The following CDH8 variants were observed in gnomAD, a reference collection of about 807,000 sequenced individuals.
The protein encoded by CDH8 is cadherin-8.
A neutral mutation model predicts 68.1 loss-of-function variants in CDH8; 17 were observed. The ratio of observed to expected loss-of-function variants is 0.25; its 90% CI spans 0.17 to 0.37. CDH8 has a LOEUF of 0.37. CDH8 is among the 10% of genes least tolerant of loss of function. CDH8 has a pLI of 1.00. For synonymous variants in CDH8, 372 were observed against 365.1 expected, an observed-to-expected ratio of 1.02 and a Z score of -0.21; for missense variants, 763 against 999.3, an observed-to-expected ratio of 0.76 and a Z score of 3.19.
chr16:61,903,537 TC>T (rs1432851450), intron 2 of CDH8, among the ~76,000 whole-genome samples: 1 of 152,010 alleles, frequency 6.6e-6, no homozygotes, highest in African/African-American at 2.4e-5. Flanking sequence ...GGTCTTGATC[TC>T]CTGACCTTGT....
intron 10 of CDH8, among the ~76,000 whole-genome samples, chr16:61,694,581 T>A (rs1964290966): frequency 6.6e-6 from 1 of 152,076 alleles, no homozygotes. Context: ...GGTTTGGTCA[T>A]ATGGGGTGAT....
intron 2 of CDH8, among the ~76,000 whole-genome samples, chr16:61,982,386 A>AT (rs1376317245): frequency 1.3e-5 from 2 of 151,746 alleles, no homozygotes; most frequent in South Asian, 4.2e-4. Context: ...CGCCCGGCTA[A>AT]TTTTTTGTAT....
chr16:61,760,603 G>A (rs548972040), intron 8 of CDH8, among the ~76,000 whole-genome samples: 47 of 152,130 alleles, frequency 3.1e-4, no homozygotes, highest in East Asian at 3.9e-4. Context: ...ATGAGCCACC[G>A]CATCTGGCAA....
chr16:61,781,404 G>A lies in CDH8; in HGVS notation c.1414+7942C>T, dbSNP rs80227320. Among the ~76,000 whole-genome samples the A allele has an allele frequency of 1.9e-3, 288 of 152,066 alleles. 6 individuals are homozygous for A. In the East Asian group the frequency reaches 0.021, roughly 11 times the overall value. On this transcript the variant is annotated intron_variant, in intron 8 of 11. Transcript: ENST00000577390. ...GGTGAGGAGTTAAAGACTAGCCTGGGCAACATGGTGAGACCCTGTTTCTAA... is the reference window on the plus strand; with the variant it reads ...GGTGAGGAGTTAAAGACTAGCCTGGACAACATGGTGAGACCCTGTTTCTAA...
At chr16:61,961,365 T>A (rs1199077899) in intron 2 of CDH8, among the ~76,000 whole-genome samples, 2 of 151,916 alleles carry the variant, frequency 1.3e-5, no homozygotes, top group Non-Finnish European at 2.9e-5. Flanking sequence ...ACTGAACATC[T>A]CCAGCAGCAG....
intron 6 of CDH8, among the ~76,000 whole-genome samples, chr16:61,819,537 C>T (rs1962162775): frequency 6.6e-6 from 1 of 152,000 alleles, no homozygotes; most frequent in Non-Finnish European, 1.5e-5. Context: ...TAATGCTAAA[C>T]TCAACCAGGA....
chr16:61,662,686 C>T (rs559588447), intron 10 of CDH8, among the ~76,000 whole-genome samples: 1 of 151,682 alleles, frequency 6.6e-6, no homozygotes, highest in African/African-American at 2.4e-5. Flanking sequence ...TCAACTATAT[C>T]TATATATAGT....
chr16:61,672,908 C>T (rs1963826580), intron 10 of CDH8, among the ~76,000 whole-genome samples: 1 of 152,000 alleles, frequency 6.6e-6, no homozygotes, highest in African/African-American at 2.4e-5. Flanking sequence ...TCATTCAATG[C>T]TTTAGGTAAT....
intron 8 of CDH8, among the ~76,000 whole-genome samples, chr16:61,784,120 C>A (rs1339431737): frequency 1.3e-4 from 19 of 151,020 alleles, no homozygotes; most frequent in Non-Finnish European, 1.2e-4. Flanking sequence ...CTAAATTCTC[C>A]AATTAAAAGA....
chr16:61,902,490 T>C (rs1233204548), intron 2 of CDH8, among the ~76,000 whole-genome samples: 1 of 151,852 alleles, frequency 6.6e-6, no homozygotes, highest in Non-Finnish European at 1.5e-5. Flanking sequence ...CCCATTGCGA[T>C]GTACTACTTC....
chr16:61,817,398 A>G, intron 7 of CDH8, 81 bp downstream of exon 7: 1 of 1,402,576 alleles, frequency 7.1e-7, no homozygotes, highest in African/African-American at 1.4e-5. Context: ...GGAGAGCCCC[A>G]CAGAAGGTAC....
chr16:61,845,326 C>A (rs1210598850), intron 4 of CDH8, among the ~76,000 whole-genome samples: 1 of 152,002 alleles, frequency 6.6e-6, no homozygotes, highest in Non-Finnish European at 1.5e-5. Context: ...ATCTCAATTT[C>A]TGTCTTTAGA....
intron 6 of CDH8, among the ~76,000 whole-genome samples, chr16:61,819,570 C>T (rs181953114): frequency 7.2e-5 from 11 of 152,090 alleles, no homozygotes; most frequent in Admixed American, 3.3e-4. Context: ...GATAGCATTG[C>T]TCAACAGAGA....
intron 2 of CDH8, among the ~76,000 whole-genome samples, chr16:61,907,337 CT>C (rs982529308): frequency 6.6e-6 from 1 of 152,092 alleles, no homozygotes; most frequent in African/African-American, 2.4e-5. Context: ...ATCAAAACTT[CT>C]TTTGAAGTTT....
intron 10 of CDH8, among the ~76,000 whole-genome samples, chr16:61,657,925 A>G (rs1963479915): frequency 6.6e-6 from 1 of 152,046 alleles, no homozygotes; most frequent in Admixed American, 6.5e-5. Context: ...ATACTTCTAT[A>G]AATATTTTTT....
intron 8 of CDH8, among the ~76,000 whole-genome samples, chr16:61,778,757 C>A (rs962798640): frequency 1.3e-5 from 2 of 151,948 alleles, no homozygotes; most frequent in African/African-American, 4.8e-5. Flanking sequence ...AATAATGTAC[C>A]CAAGGTTATA....
At chr16:61,800,126 T>TTTAA (rs1961587543) in intron 7 of CDH8, among the ~76,000 whole-genome samples, 1 of 152,200 alleles carries the variant, frequency 6.6e-6, no homozygotes, top group African/African-American at 2.4e-5. Flanking sequence ...CCTAGGCTGG[T>TTTAA]GGTCTCTCAA....
At chr16:61,945,704 G>A (rs1470958173) in intron 2 of CDH8, among the ~76,000 whole-genome samples, 1 of 151,354 alleles carries the variant, frequency 6.6e-6, no homozygotes, top group Non-Finnish European at 1.5e-5. Flanking sequence ...TAGCTTCAAG[G>A]AAAATAGCTA....
chr16:61,935,272 A>G (rs1235171401), intron 2 of CDH8, among the ~76,000 whole-genome samples: 4 of 152,200 alleles, frequency 2.6e-5, no homozygotes, highest in Non-Finnish European at 4.4e-5. Flanking sequence ...ATGTTTATGT[A>G]TGATGTATAA....
Sources: allele counts gnomAD v4.1 joint callset (sites outside exome capture counted in the v4.1 genomes callset), GRCh38; gene constraint gnomAD v4.1.1; transcripts MANE v1.5; gene names NCBI Gene and HGNC (gene_info 2026-07-23, HGNC 2026-07-21).